Variants in FMN2 observed in about 807,000 individuals in gnomAD.
The protein encoded by FMN2 is formin 2, also known as formin-2.
Under a neutral mutation model 142.3 loss-of-function variants are expected in FMN2, and 51 were observed. The ratio of observed to expected loss-of-function variants is 0.36; its 90% CI spans 0.29 to 0.45. The LOEUF is 0.45. Among genes scored for constraint, FMN2 ranks in the 20% least tolerant of loss-of-function variants. The pLI is 1.00. For synonymous variants in FMN2, 882 were observed against 869.8 expected (o/e 1.01, Z -0.25); for missense variants, 1,936 against 2,122.8 (o/e 0.91, Z 1.73).
chr1:240,305,849 G>C (rs1670369941), intron 8 of FMN2, among the ~76,000 whole-genome samples: 1 of 151,934 alleles, frequency 6.6e-6, no homozygotes, highest in African/African-American at 2.4e-5. Context: ...CATCTTAGTA[G>C]TGTAGCATCA....
intron 6 of FMN2, among the ~76,000 whole-genome samples, chr1:240,228,329 AAAAGAAAAAG>A (rs1294968545): frequency 4.5e-5 from 3 of 67,166 alleles, no homozygotes; most frequent in African/African-American, 1.8e-4. Context: ...AAAAAAAAAA[AAAAGAAAAAG>A]AAAAAGAAAA....
intron 4 of FMN2, among the ~76,000 whole-genome samples, chr1:240,191,329 A>G (rs1665688576): frequency 6.6e-6 from 1 of 152,272 alleles, no homozygotes; most frequent in Non-Finnish European, 1.5e-5. Context: ...TCACAGGAGT[A>G]GAAGGCTGTG....
intron 7 of FMN2, among the ~76,000 whole-genome samples, chr1:240,274,160 A>G (rs1669112613): frequency 6.6e-6 from 1 of 152,058 alleles, no homozygotes; most frequent in East Asian, 1.9e-4. Flanking sequence ...CAGAGAGACA[A>G]AAATCCATGT....
chr1:240,305,041 G>A (rs1041272901), intron 8 of FMN2, among the ~76,000 whole-genome samples: 4 of 152,042 alleles, frequency 2.6e-5, no homozygotes, highest in African/African-American at 9.7e-5. Flanking sequence ...ATCCTTTCTG[G>A]GGTTTCTAAT....
intron 6 of FMN2, among the ~76,000 whole-genome samples, chr1:240,228,303 C>CAAAAAAAAAAAAAAAAAACAAAAAAAAA: frequency 2.1e-5 from 1 of 47,726 alleles, no homozygotes; most frequent in Non-Finnish European, 4.4e-5. Context: ...AACTCTGTCT[C>CAAAAAAAAAAAAAAAAAACAAAAAAAAA]AAAAAAAAAA....
At chr1:240,467,380 T>C (rs1429745139) in intron 16 of FMN2, among the ~76,000 whole-genome samples, 1 of 151,616 alleles carries the variant, frequency 6.6e-6, no homozygotes, top group African/African-American at 2.4e-5. Context: ...ATTCAAGCAA[T>C]TCTCCAGCCT....
At position 240,439,048 on chromosome 1, in the gene FMN2, A is replaced by C. The variant is rs564383091; in HGVS notation, c.5060+838A>C. On this transcript the variant is annotated intron_variant, in intron 16 of 17. Transcript: ENST00000319653. Reference sequence around the variant, plus strand: ...AGCACTTTGAGAGGCCAAGGCAGGCAGATCACTTGAGGTCAGGAGTTCAAG... The same window carrying C: ...AGCACTTTGAGAGGCCAAGGCAGGCCGATCACTTGAGGTCAGGAGTTCAAG... Among the ~76,000 whole-genome samples, 11 of 152,136 alleles carry C rather than the reference A, an allele frequency of 7.2e-5. No individual in the cohort carries two copies. The East Asian group carries it at 2.1e-3, about 29-fold the overall frequency.
intron 14 of FMN2, among the ~76,000 whole-genome samples, chr1:240,373,109 A>C (rs1672927603): frequency 1.3e-5 from 2 of 150,640 alleles, no homozygotes; most frequent in Admixed American, 6.6e-5. Flanking sequence ...GCTTGAACCC[A>C]GGAGGTGGAG....
At chr1:240,258,508 G>A (rs1222989997) in intron 7 of FMN2, among the ~76,000 whole-genome samples, 17 of 152,104 alleles carry the variant, frequency 1.1e-4, no homozygotes, top group Admixed American at 1.0e-3. Flanking sequence ...TCCCACGCAC[G>A]AGAATTCTAC....
At chr1:240,452,228 A>G (rs1676083898) in intron 16 of FMN2, among the ~76,000 whole-genome samples, 1 of 152,150 alleles carries the variant, frequency 6.6e-6, no homozygotes, top group Non-Finnish European at 1.5e-5. Flanking sequence ...TTATGTAGCC[A>G]TTCACTCTTT....
chr1:240,149,118 G>A (rs1227302257), intron 2 of FMN2, among the ~76,000 whole-genome samples: 3 of 152,072 alleles, frequency 2.0e-5, no homozygotes, highest in Non-Finnish European at 4.4e-5. Context: ...AATACAAGGG[G>A]TTGTAAAACA....
rs1445072835 is a variant in FMN2 at position 240,177,887 on chromosome 1, A to G, written c.1783-34A>G. The stretch of plus-strand genomic sequence containing the variant: ...GGCTTATTTTTTTGTAACTGAATTA[A>G]TAGCATTTCAACATTTTTTATTTTT... On this transcript the variant is annotated intron_variant, in intron 2 of 17. Coordinates refer to ENST00000319653, the MANE Select transcript of FMN2 (RefSeq NM_020066.5). 2.6e-6 allele frequency: 4 copies of G among 1,514,048 alleles called. No homozygotes were observed. The Admixed American group carries it at 9.3e-5, about 35-fold the overall frequency. The allele number at this position is 1,514,048 out of a possible 1,614,324, so 93.8% of individuals were successfully genotyped here.
intron 7 of FMN2, among the ~76,000 whole-genome samples, chr1:240,264,758 C>T (rs576598745): frequency 5.3e-5 from 8 of 152,230 alleles, no homozygotes; most frequent in South Asian, 4.1e-4. Flanking sequence ...ATATGTGCCA[C>T]GTTTTCTTTA....
intron 15 of FMN2, among the ~76,000 whole-genome samples, chr1:240,427,304 C>G (rs979849077): frequency 2.0e-5 from 3 of 151,694 alleles, no homozygotes; most frequent in Admixed American, 2.0e-4. Context: ...CTCCTGGGTT[C>G]ACGCCATTCT....
chr1:240,449,144 A>G (rs1298778108), intron 16 of FMN2, among the ~76,000 whole-genome samples: 1 of 99,410 alleles, frequency 1.0e-5, no homozygotes, highest in Non-Finnish European at 2.3e-5. Context: ...CCCTGTCTCA[A>G]AAAAAAAAAA....
chr1:240,434,032 T>A (rs1312830112), intron 15 of FMN2, among the ~76,000 whole-genome samples: 1 of 152,214 alleles, frequency 6.6e-6, no homozygotes, highest in Non-Finnish European at 1.5e-5. Flanking sequence ...ATTTGTACTG[T>A]CTAATGTTTG....
At chr1:240,176,588 C>T (rs7542817) in intron 2 of FMN2, among the ~76,000 whole-genome samples, 34,136 of 152,150 alleles carry the variant, frequency 0.22, 4,081 homozygotes, top group African/African-American at 0.29. Context: ...TGATGTTGTA[C>T]TCAATCTACT....
In FMN2 at chr1:240,431,402, T is replaced by TTATATATATA. The variant is rs35500291; in HGVS notation, c.4911-6646_4911-6637dup. On this transcript the variant is annotated intron_variant, in intron 15 of 17. Coordinates refer to ENST00000319653, the MANE Select transcript of FMN2 (RefSeq NM_020066.5). ...TGTTTTCTGGGTATACAACCATGTT[T>TTATATATATA]TATATATATATATATATATATACAT... Among the ~76,000 whole-genome samples, 19 of 139,210 alleles carry TTATATATATA rather than the reference T, an allele frequency of 1.4e-4. 1 individual carries two copies. The highest frequency in any genetic ancestry group is 4.9e-4 in the African/African-American group (18 of 36,454). 91.3% of individuals were successfully genotyped at this position (139,210 alleles called of 152,430 possible).
At chr1:240,153,420 G>A (rs1285558094) in intron 2 of FMN2, among the ~76,000 whole-genome samples, 1 of 118,980 alleles carries the variant, frequency 8.4e-6, no homozygotes, top group Non-Finnish European at 1.6e-5. Context: ...GCTTGCAGTT[G>A]TACGATCATA....
Sources: allele counts gnomAD v4.1 joint callset (sites outside exome capture counted in the v4.1 genomes callset), GRCh38; gene constraint gnomAD v4.1.1; transcripts MANE v1.5; gene names NCBI Gene and HGNC (gene_info 2026-07-23, HGNC 2026-07-21).